MGAT5: variants seen among roughly 807,000 people sequenced by gnomAD.
MGAT5 encodes alpha-1,6-mannosylglycoprotein 6-beta-N-acetylglucosaminyltransferase.
In MGAT5, 30 loss-of-function variants were observed where a neutral mutation model predicts 94.3. That is an observed-to-expected ratio of 0.32 (90% confidence interval 0.24 to 0.43). The LOEUF is 0.43. Ranked by LOEUF, MGAT5 falls within the 20% of genes least tolerant of loss-of-function variation. The pLI, the probability that MGAT5 is intolerant of heterozygous loss-of-function variation, is 1.00. For missense variants in MGAT5, 691 were observed against 905.5 expected (o/e 0.76, Z 3.04); for synonymous variants, 310 against 322.9 (o/e 0.96, Z 0.43).
chr2:134,387,842 A>T (rs1682128550), intron 10 of MGAT5, among the ~76,000 whole-genome samples: 1 of 152,202 alleles, frequency 6.6e-6, no homozygotes, highest in South Asian at 2.1e-4. Flanking sequence ...AGAGCTCCAA[A>T]GTCCAGTGAT....
chr2:134,161,383 C>A (rs1687725511), intron 1 of MGAT5, among the ~76,000 whole-genome samples: 2 of 152,168 alleles, frequency 1.3e-5, no homozygotes, highest in African/African-American at 4.8e-5. Context: ...CAGACCATTG[C>A]CTAGAAGACA....
intron 2 of MGAT5, among the ~76,000 whole-genome samples, chr2:134,292,006 G>T (rs1197377808): frequency 6.6e-6 from 1 of 152,084 alleles, no homozygotes; most frequent in Admixed American, 6.5e-5. Flanking sequence ...GTCAGGCCTG[G>T]TTGGCATATA....
At chr2:134,181,920 T>C (rs905326197) in intron 1 of MGAT5, among the ~76,000 whole-genome samples, 2 of 152,206 alleles carry the variant, frequency 1.3e-5, no homozygotes, top group African/African-American at 4.8e-5. Context: ...TAGAGATTTG[T>C]AATAAAAAAT....
chr2:134,329,515 A>G (rs558542218), intron 4 of MGAT5, among the ~76,000 whole-genome samples: 1 of 152,154 alleles, frequency 6.6e-6, no homozygotes, highest in Admixed American at 6.6e-5. Flanking sequence ...AATATTGAAG[A>G]CTGGACTGTG....
intron 1 of MGAT5, among the ~76,000 whole-genome samples, chr2:134,189,602 G>GTTTTGTTTTTTTTTTTTTTT (rs1553490380): frequency 4.7e-5 from 4 of 84,672 alleles, no homozygotes; most frequent in Admixed American, 1.3e-4. Flanking sequence ...GTTTTTTTTT[G>GTTTTGTTTTTTTTTTTTTTT]TTTTTTTTTT....
intron 10 of MGAT5, among the ~76,000 whole-genome samples, chr2:134,371,200 T>A (rs1439854932): frequency 6.6e-6 from 1 of 152,200 alleles, no homozygotes; most frequent in Non-Finnish European, 1.5e-5. Context: ...ATTTATTGGG[T>A]ACGTGTCCTC....
intron 1 of MGAT5, among the ~76,000 whole-genome samples, chr2:134,240,717 CTT>C (rs1052396283): frequency 6.6e-6 from 1 of 152,130 alleles, no homozygotes; most frequent in African/African-American, 2.4e-5. Flanking sequence ...CATCTGAAAT[CTT>C]TTGGCATATC....
chr2:134,187,024 G>A (rs1022781059), intron 1 of MGAT5, among the ~76,000 whole-genome samples: 11 of 152,196 alleles, frequency 7.2e-5, no homozygotes, highest in Admixed American at 2.0e-4. Context: ...AGAAAGTTCC[G>A]TGAGGAAGAG....
At chr2:134,398,952 C>T (rs1682873753) in intron 10 of MGAT5, among the ~76,000 whole-genome samples, 1 of 152,068 alleles carries the variant, frequency 6.6e-6, no homozygotes, top group African/African-American at 2.4e-5. Context: ...AGTTAATGTG[C>T]AAACATAAAG....
At chr2:134,276,330 G>A (rs967432908) in intron 2 of MGAT5, among the ~76,000 whole-genome samples, 1 of 152,120 alleles carries the variant, frequency 6.6e-6, no homozygotes, top group Non-Finnish European at 1.5e-5. Context: ...TTTTACTTCT[G>A]CTTCTATAGA....
upstream of MGAT5, chr2:134,253,157 C>T (rs1300927949): frequency 6.6e-6 from 1 of 152,182 alleles, no homozygotes. Flanking sequence ...CTAATTGCTT[C>T]AAGATCCTGC....
intron 1 of MGAT5, among the ~76,000 whole-genome samples, chr2:134,178,282 G>A (rs11896844): frequency 0.037 from 5,705 of 152,206 alleles, 371 homozygotes; most frequent in African/African-American, 0.13. Flanking sequence ...ACAGATAATT[G>A]CATATTTAGG....
At chr2:134,328,317 T>C (rs976841334) in intron 4 of MGAT5, among the ~76,000 whole-genome samples, 2 of 152,074 alleles carry the variant, frequency 1.3e-5, no homozygotes, top group African/African-American at 4.8e-5. Flanking sequence ...TACTTTGTGT[T>C]AATAATATTC....
chr2:134,146,726 G>T (rs1399893031), intron 1 of MGAT5, among the ~76,000 whole-genome samples: 3 of 152,164 alleles, frequency 2.0e-5, no homozygotes, highest in Admixed American at 6.5e-5. Flanking sequence ...TTCCTGGATC[G>T]CTGGGTACCG....
chr2:134,125,757 G>C (rs1685811420), intron 1 of MGAT5, among the ~76,000 whole-genome samples: 1 of 152,226 alleles, frequency 6.6e-6, no homozygotes, highest in South Asian at 2.1e-4. Context: ...GAGCAGGTTG[G>C]TGTGGCCCAG....
rs1686079934 is a variant in MGAT5 at position 134,451,070 on chromosome 2, G to C, written c.*2223G>C. The C allele has an allele frequency of 6.6e-6, 1 of 152,080 alleles. No homozygotes were observed. The highest frequency in any genetic ancestry group is 2.4e-5 in the African/African-American group (1 of 41,388). The allele number at this position is 152,080 out of a possible 1,614,324, so 9.4% of individuals were successfully genotyped here. On this transcript the variant is annotated 3_prime_UTR_variant, in exon 16 of 16. Coordinates refer to ENST00000281923, the MANE Select transcript of MGAT5 (RefSeq NM_002410.5). Reference sequence around the variant, plus strand: ...TGTCAATGCAAGTATCTGACCAACAGGGGGAGCCTGCAGGCCGAGCAAAGT... The same window carrying C: ...TGTCAATGCAAGTATCTGACCAACACGGGGAGCCTGCAGGCCGAGCAAAGT...
chr2:134,370,368 T>C (rs946166361), intron 10 of MGAT5, among the ~76,000 whole-genome samples: 1 of 152,260 alleles, frequency 6.6e-6, no homozygotes, highest in East Asian at 1.9e-4. Context: ...CAGATAAATT[T>C]AAACCCACCC....
chr2:134,389,842 T>C (rs759798467), intron 10 of MGAT5, among the ~76,000 whole-genome samples: 13 of 152,222 alleles, frequency 8.5e-5, no homozygotes, highest in Non-Finnish European at 1.8e-4. Context: ...GTGAACCTTG[T>C]ATTGAACATG....
chr2:134,321,957 C>T (rs11898875), intron 4 of MGAT5, among the ~76,000 whole-genome samples: 2,552 of 152,112 alleles, frequency 0.017, 84 homozygotes, highest in African/African-American at 0.059. Flanking sequence ...TAATAAGTAC[C>T]CTGTGAGAGT....
Sources: allele counts gnomAD v4.1 joint callset (sites outside exome capture counted in the v4.1 genomes callset), GRCh38; gene constraint gnomAD v4.1.1; transcripts MANE v1.5; gene names NCBI Gene and HGNC (gene_info 2026-07-23, HGNC 2026-07-21).